Variants in ATP6V0A4 observed in about 807,000 individuals in gnomAD.
ATP6V0A4 encodes ATPase H+ transporting V0 subunit a4, also known as V-type proton ATPase 116 kDa subunit a 4.
Under a neutral mutation model 107.3 loss-of-function variants are expected in ATP6V0A4, and 86 were observed. The ratio of observed to expected loss-of-function variants is 0.80; its 90% confidence interval spans 0.67 to 0.96. ATP6V0A4 has a LOEUF of 0.96. Among genes scored for constraint, ATP6V0A4 ranks in the 40% least tolerant of loss-of-function variants. The probability of loss-of-function intolerance (pLI) is 0.00; values close to 1 mark genes in which losing one functional copy is unlikely to be tolerated. For missense variants in ATP6V0A4, 908 were observed against 1,045.6 expected, an observed-to-expected ratio of 0.87 and a Z score of 1.81; for synonymous variants, 353 against 381.4, an observed-to-expected ratio of 0.93 and a Z score of 0.87.
chr7:138,723,684 C>G (rs1804555913), intron 18 of ATP6V0A4, among the ~76,000 whole-genome samples: 1 of 151,856 alleles, frequency 6.6e-6, no homozygotes, highest in Non-Finnish European at 1.5e-5. Flanking sequence ...CACCACCACG[C>G]CCAGCTAATT....
Position 138,794,223 on chromosome 7 carries a change from G to A in ATP6V0A4, c.-121+3811C>T, listed in dbSNP as rs1414957300. 2.0e-5 allele frequency among the ~76,000 whole-genome samples: 3 copies of A among 152,300 alleles called. No individual in the cohort carries two copies. In the East Asian group the frequency reaches 5.8e-4, roughly 29 times the overall value. On this transcript the variant is annotated intron_variant, in intron 1 of 21. Coordinates refer to ENST00000310018, the MANE Select transcript of ATP6V0A4 (RefSeq NM_020632.3). Reference sequence around the variant, plus strand: ...AAGAAGAGCCATCAACCCCATCTCTGTGAGGGAGCTGGGGCTTGGCAGGCA... The same window carrying A: ...AAGAAGAGCCATCAACCCCATCTCTATGAGGGAGCTGGGGCTTGGCAGGCA...
At chr7:138,723,760 A>G (rs1384511924) in intron 18 of ATP6V0A4, among the ~76,000 whole-genome samples, 2 of 151,780 alleles carry the variant, frequency 1.3e-5, no homozygotes, top group East Asian at 1.9e-4. Flanking sequence ...TCCTGACCTC[A>G]GGTGATCCAC....
Position 138,706,413 on chromosome 7 carries a change from A to T in ATP6V0A4, c.*211T>A, listed in dbSNP as rs1272180805. 1.7e-6 allele frequency: 1 copy of T among 590,516 alleles called. No homozygotes were observed. Among genetic ancestry groups the T allele is most frequent in the Non-Finnish European group, 3.0e-6 (1 of 330,122 alleles). The allele number at this position is 590,516 out of a possible 1,614,324, so 36.6% of individuals were successfully genotyped here. ...TATTATTTGAGAATTAATACCCCAC[A>T]TGAAGACAATATCACTTGCCAAAGT... On this transcript the variant is annotated 3_prime_UTR_variant, in exon 22 of 22. Coordinates refer to ENST00000310018, the MANE Select transcript of ATP6V0A4 (RefSeq NM_020632.3).
chr7:138,762,236 A>G, intron 7 of ATP6V0A4, 104 bp downstream of exon 7: 1 of 1,419,760 alleles, frequency 7.0e-7, no homozygotes, highest in Non-Finnish European at 9.9e-7. Flanking sequence ...CATCCATGGG[A>G]AACAGTCCCC....
At chr7:138,727,980 GACCTAATTGAATTTGTTTACTCT>G (rs1804802760) in intron 18 of ATP6V0A4, among the ~76,000 whole-genome samples, 1 of 152,008 alleles carries the variant, frequency 6.6e-6, no homozygotes, top group Admixed American at 6.6e-5. Context: ...AACAAAAACT[GACCTAATTGAATTTGTTTACTCT>G]TCTAATTCCC....
At chr7:138,747,781 G>T (rs1446839821) in intron 12 of ATP6V0A4, 5 of 595,726 alleles carry the variant, frequency 8.4e-6, no homozygotes, top group African/African-American at 5.7e-5. Flanking sequence ...TTGAAAGTGG[G>T]TCTCGCTCTG....
chr7:138,734,777 CAAAA>C (rs528307650), intron 15 of ATP6V0A4, among the ~76,000 whole-genome samples: 24,362 of 108,796 alleles, frequency 0.22, 2,261 homozygotes, highest in African/African-American at 0.27. Context: ...GACTCTGTCT[CAAAA>C]AAAAAAAAAA....
At chr7:138,770,691 C>G (rs1807336767) in intron 3 of ATP6V0A4, among the ~76,000 whole-genome samples, 2 of 152,336 alleles carry the variant, frequency 1.3e-5, no homozygotes, top group South Asian at 4.1e-4. Context: ...GAATATCACT[C>G]TGGAACTCAA....
At chr7:138,768,420 T>C (rs1331040482) in intron 5 of ATP6V0A4, among the ~76,000 whole-genome samples, 1 of 151,836 alleles carries the variant, frequency 6.6e-6, no homozygotes, top group Non-Finnish European at 1.5e-5. Context: ...ACCAGAGAAT[T>C]AGAAAACATC....
At chr7:138,721,707 A>G (rs1001273292) in intron 19 of ATP6V0A4, among the ~76,000 whole-genome samples, 190 bp downstream of exon 19, 1 of 152,182 alleles carries the variant, frequency 6.6e-6, no homozygotes, top group Non-Finnish European at 1.5e-5. Context: ...GTTGCTAAAT[A>G]GCTGTTCTGA....
intron 12 of ATP6V0A4, among the ~76,000 whole-genome samples, chr7:138,748,304 C>T (rs1806058925): frequency 6.6e-6 from 1 of 152,150 alleles, no homozygotes; most frequent in Admixed American, 6.5e-5. Flanking sequence ...CCAGGAGGCC[C>T]CTGCATTACA....
intron 3 of ATP6V0A4, 137 bp from the exon 4 acceptor site, chr7:138,769,388 C>T (rs973413475): frequency 1.5e-6 from 2 of 1,350,764 alleles, no homozygotes; most frequent in Non-Finnish European, 2.0e-6. Context: ...GATCTCAGCT[C>T]ACTGTAACCT....
Position 138,728,871 on chromosome 7 carries a change from C to T in ATP6V0A4, c.1909-9G>A, listed in dbSNP as rs762043791. On this transcript the variant is annotated splice_polypyrimidine_tract_variant and intron_variant, in intron 17 of 21. Transcript: ENST00000310018. ...AAACTTTGGACTTCTTGCTGCAAGACCAAAATGGCGAGATCTCATCATTTT... is the reference window on the plus strand; with the variant it reads ...AAACTTTGGACTTCTTGCTGCAAGATCAAAATGGCGAGATCTCATCATTTT... 1.9e-6 allele frequency: 3 copies of T among 1,614,036 alleles called. No homozygotes were observed. In the Admixed American group the frequency reaches 5.0e-5, roughly 27 times the overall value.
chr7:138,710,192 A>AT (rs56391137), intron 20 of ATP6V0A4, among the ~76,000 whole-genome samples: 562 of 135,208 alleles, frequency 4.2e-3, no homozygotes, highest in East Asian at 8.6e-3. Flanking sequence ...CTGTCTGTTA[A>AT]TTTTTTTTTT....
intron 16 of ATP6V0A4, 89 bp downstream of exon 16, chr7:138,734,047 G>T (rs1805174526): frequency 1.4e-6 from 2 of 1,424,600 alleles, no homozygotes; most frequent in African/African-American, 2.8e-5. Flanking sequence ...CTTGCACAGA[G>T]AGATGCAGTT....
chr7:138,728,079 T>C (rs142458034), intron 18 of ATP6V0A4, among the ~76,000 whole-genome samples: 166 of 152,302 alleles, frequency 1.1e-3, no homozygotes, highest in Non-Finnish European at 1.9e-3. Context: ...AAAAAGCTTT[T>C]AATATTTGTT....
rs1016993032 is a variant in ATP6V0A4, at chr7:138,706,882, C to T, written c.2430-165G>A. The stretch of plus-strand genomic sequence containing the variant: ...CCAGGCTGATGGCTGCCATGAGAAT[C>T]CTGAGGATTTTTTTTTTTTTTTTTT... On this transcript the variant is annotated intron_variant, in intron 21 of 21. Transcript: ENST00000310018. 8.6e-6 allele frequency: 5 copies of T among 579,254 alleles called. No homozygotes were observed. In the South Asian group the frequency reaches 3.9e-4, roughly 46 times the overall value. 35.9% of individuals were successfully genotyped at this position (579,254 alleles called of 1,614,324 possible).
chr7:138,784,857 C>T (rs7786814), intron 2 of ATP6V0A4, among the ~76,000 whole-genome samples: 87,790 of 151,998 alleles, frequency 0.58, 25,724 homozygotes, highest in African/African-American at 0.65. Flanking sequence ...CAAAGGTCCC[C>T]GGCAAAGCAC....
chr7:138,706,505 T>A lies in ATP6V0A4; in HGVS notation c.*119A>T, dbSNP rs1017440578. ...GACGTCCAAATAATACACAGTTTCA[T>A]GCTTCAGGTGAGCCAAGAACAACCT... is the stretch of plus-strand genomic sequence containing the variant. On this transcript the variant is annotated 3_prime_UTR_variant, in exon 22 of 22. Coordinates refer to ENST00000310018, the MANE Select transcript of ATP6V0A4 (RefSeq NM_020632.3). 8.2e-7 allele frequency: 1 copy of A among 1,213,198 alleles called. No individual in the cohort carries two copies. The highest frequency in any genetic ancestry group is 1.2e-6 in the Non-Finnish European group (1 of 846,764). The allele number at this position is 1,213,198 out of a possible 1,614,324, so 75.2% of individuals were successfully genotyped here.
Sources: allele counts gnomAD v4.1 joint callset (sites outside exome capture counted in the v4.1 genomes callset), GRCh38; gene constraint gnomAD v4.1.1; transcripts MANE v1.5; gene names NCBI Gene and HGNC (gene_info 2026-07-23, HGNC 2026-07-21).